Variants in PHLPP1 observed in about 807,000 individuals in gnomAD.
PHLPP1 encodes PH domain leucine-rich repeat-containing protein phosphatase 1.
A neutral mutation model predicts 117.2 loss-of-function variants in PHLPP1; 42 were observed. The observed-to-expected ratio is 0.36, with a 90% CI of 0.28 to 0.46. The LOEUF is 0.46. Among genes scored for constraint, PHLPP1 ranks in the 20% least tolerant of loss-of-function variants. The pLI, the probability that PHLPP1 is intolerant of heterozygous loss-of-function variation, is 1.00. For synonymous variants in PHLPP1, 1,042 were observed against 970.7 expected (o/e 1.07, Z -1.37); for missense variants, 2,084 against 2,241.9 (o/e 0.93, Z 1.42).
rs1332918763 is a variant in PHLPP1 at position 62,766,073 on chromosome 18, AAAAAT to A, written c.1576+48816_1576+48820del. ...TAGACTCCATCTCAAAAAAAAAAAA[AAAAAT>A]ATATATATATATATATATATATATA... is the stretch of plus-strand genomic sequence containing the variant. On this transcript the variant is annotated intron_variant, in intron 1 of 16. Transcript: ENST00000262719. Among the ~76,000 whole-genome samples, 206 of 55,382 alleles carry A rather than the reference AAAAAT, an allele frequency of 3.7e-3. 16 individuals are homozygous for A. The highest frequency in any genetic ancestry group is 0.036 in the Admixed American group (172 of 4,794). 36.3% of individuals were successfully genotyped at this position (55,382 alleles called of 152,430 possible).
chr18:62,884,588 C>T (rs1916241421), intron 4 of PHLPP1, among the ~76,000 whole-genome samples: 1 of 152,224 alleles, frequency 6.6e-6, no homozygotes, highest in South Asian at 2.1e-4. Context: ...ACAAGTCCAG[C>T]CGTTGAGCAG....
At chr18:62,868,868 T>G (rs1392212622) in intron 4 of PHLPP1, among the ~76,000 whole-genome samples, 1 of 152,176 alleles carries the variant, frequency 6.6e-6, no homozygotes, top group Non-Finnish European at 1.5e-5. Context: ...GAATTATCTT[T>G]TTAGAGATCA....
intron 1 of PHLPP1, among the ~76,000 whole-genome samples, chr18:62,726,214 A>G (rs1338658680): frequency 1.3e-5 from 2 of 152,172 alleles, no homozygotes; most frequent in Non-Finnish European, 2.9e-5. Flanking sequence ...GGGGGTGAGT[A>G]GGGTAACTGA....
intron 1 of PHLPP1, among the ~76,000 whole-genome samples, chr18:62,807,058 A>G (rs1459828743): frequency 6.6e-6 from 1 of 152,124 alleles, no homozygotes; most frequent in Non-Finnish European, 1.5e-5. Flanking sequence ...TTAGTGTAAG[A>G]TGAAGGTATT....
At chr18:62,737,559 A>G (rs1162813479) in intron 1 of PHLPP1, among the ~76,000 whole-genome samples, 2 of 152,222 alleles carry the variant, frequency 1.3e-5, no homozygotes, top group African/African-American at 4.8e-5. Flanking sequence ...GAGCTGACGA[A>G]GGAATGATAT....
chr18:62,934,473 A>G (rs1304383462), intron 10 of PHLPP1, among the ~76,000 whole-genome samples: 1 of 152,200 alleles, frequency 6.6e-6, no homozygotes, highest in East Asian at 1.9e-4. Context: ...ATACAGAAAC[A>G]GAAAAATACT....
At chr18:62,746,486 CTAT>C (rs1225777385) in intron 1 of PHLPP1, among the ~76,000 whole-genome samples, 1 of 152,164 alleles carries the variant, frequency 6.6e-6, no homozygotes, top group African/African-American at 2.4e-5. Context: ...AAGATGAACA[CTAT>C]TTGAATGATG....
intron 12 of PHLPP1, among the ~76,000 whole-genome samples, chr18:62,948,146 G>A (rs190975336): frequency 6.6e-6 from 1 of 152,176 alleles, no homozygotes; most frequent in Admixed American, 6.5e-5. Context: ...CCAATATGGT[G>A]AAACACTGTC....
At chr18:62,747,073 G>C (rs1234347875) in intron 1 of PHLPP1, among the ~76,000 whole-genome samples, 3 of 151,878 alleles carry the variant, frequency 2.0e-5, no homozygotes, top group Non-Finnish European at 2.9e-5. Flanking sequence ...TTTACTGTTG[G>C]TCTAACCATG....
chr18:62,949,525 G>A (rs1415240347), intron 12 of PHLPP1, among the ~76,000 whole-genome samples: 3 of 152,150 alleles, frequency 2.0e-5, no homozygotes, highest in African/African-American at 7.2e-5. Context: ...TGGATAGGGA[G>A]GTTATGTAAG....
chr18:62,963,813 G>A (rs1020999237), intron 14 of PHLPP1, among the ~76,000 whole-genome samples: 3 of 152,188 alleles, frequency 2.0e-5, no homozygotes, highest in Non-Finnish European at 4.4e-5. Context: ...TCTGACGCTT[G>A]TTTACCAAGC....
intron 10 of PHLPP1, among the ~76,000 whole-genome samples, chr18:62,938,691 T>C (rs889682512): frequency 6.6e-6 from 1 of 152,196 alleles, no homozygotes; most frequent in South Asian, 2.1e-4. Context: ...AGTTTCCCCC[T>C]TAATTTTGCA....
intron 1 of PHLPP1, among the ~76,000 whole-genome samples, chr18:62,821,288 TA>T (rs1393173862): frequency 6.6e-6 from 1 of 150,936 alleles, no homozygotes; most frequent in Non-Finnish European, 1.5e-5. Flanking sequence ...TATATGTTAG[TA>T]AAAGAAGCAA....
chr18:62,835,213 T>C (rs1200860813), intron 2 of PHLPP1, among the ~76,000 whole-genome samples: 2 of 151,894 alleles, frequency 1.3e-5, no homozygotes, highest in African/African-American at 4.8e-5. Context: ...TTTTTCCTTT[T>C]TTTTTTTGAG....
intron 10 of PHLPP1, among the ~76,000 whole-genome samples, chr18:62,933,349 A>T (rs1192270264): frequency 2.6e-5 from 4 of 152,328 alleles, no homozygotes; most frequent in African/African-American, 9.6e-5. Context: ...ACATTACCTG[A>T]CTTCAAGGTA....
chr18:62,971,602 C>G (rs1290529685), intron 14 of PHLPP1, among the ~76,000 whole-genome samples: 1 of 152,214 alleles, frequency 6.6e-6, no homozygotes, highest in Admixed American at 6.5e-5. Flanking sequence ...CAGCCTCCAC[C>G]TGGGTCTTCC....
chr18:62,856,576 C>T (rs1915504248), intron 3 of PHLPP1, among the ~76,000 whole-genome samples: 1 of 152,000 alleles, frequency 6.6e-6, no homozygotes, highest in African/African-American at 2.4e-5. Context: ...TATAGGCACG[C>T]ACCACCACGC....
intron 1 of PHLPP1, among the ~76,000 whole-genome samples, chr18:62,722,226 A>T (rs1445618260): frequency 6.6e-6 from 1 of 152,222 alleles, no homozygotes; most frequent in Admixed American, 6.5e-5. Flanking sequence ...GGTTTCTCCC[A>T]ACTTTTCAAA....
At position 62,900,515 on chromosome 18, in the gene PHLPP1, C is replaced by G. The variant is rs531417801; in HGVS notation, c.2445-2449C>G. ...CTGGAATGCAATCACAGCTTGTTACCCAAGCTGTGGTGCAATCACAGTTCA... is the reference window on the plus strand; with the variant it reads ...CTGGAATGCAATCACAGCTTGTTACGCAAGCTGTGGTGCAATCACAGTTCA... On this transcript the variant is annotated intron_variant, in intron 6 of 16. Coordinates refer to ENST00000262719, the MANE Select transcript of PHLPP1 (RefSeq NM_194449.4). Among the ~76,000 whole-genome samples the G allele has an allele frequency of 2.0e-4, 27 of 135,552 alleles. 1 individual carries two copies. In the South Asian group the frequency reaches 2.0e-3, roughly 10 times the overall value. 88.9% of individuals were successfully genotyped at this position (135,552 alleles called of 152,430 possible).
Sources: allele counts gnomAD v4.1 joint callset (sites outside exome capture counted in the v4.1 genomes callset), GRCh38; gene constraint gnomAD v4.1.1; transcripts MANE v1.5; gene names NCBI Gene and HGNC (gene_info 2026-07-23, HGNC 2026-07-21).